CNTN4: variants seen among roughly 807,000 people sequenced by gnomAD.
The protein encoded by CNTN4 is contactin 4, also known as contactin-4.
A neutral mutation model predicts 122.5 loss-of-function variants in CNTN4; 77 were observed. The ratio of observed to expected loss-of-function variants is 0.63; its 90% CI spans 0.52 to 0.76. The LOEUF is 0.76. CNTN4 is among the 30% of genes least tolerant of loss of function. The probability of loss-of-function intolerance (pLI) is 0.00; values close to 1 mark genes in which losing one functional copy is unlikely to be tolerated. For synonymous variants in CNTN4, 512 were observed against 447.0 expected (o/e 1.15, Z -1.83); for missense variants, 1,256 against 1,259.1 (o/e 1.00, Z 0.04).
intron 6 of CNTN4, among the ~76,000 whole-genome samples, chr3:2,790,222 T>C (rs2091966204): frequency 6.6e-6 from 1 of 152,182 alleles, no homozygotes; most frequent in African/African-American, 2.4e-5. Context: ...ATCTTCTGAG[T>C]GCTACTGCCT....
intron 4 of CNTN4, among the ~76,000 whole-genome samples, chr3:2,630,616 T>G (rs1165267899): frequency 1.3e-5 from 2 of 152,096 alleles, no homozygotes; most frequent in African/African-American, 4.8e-5. Context: ...AAACTATAAC[T>G]TAATATTGTT....
intron 14 of CNTN4, among the ~76,000 whole-genome samples, chr3:3,000,263 C>T (rs534573949): frequency 7.1e-4 from 108 of 151,668 alleles, no homozygotes; most frequent in African/African-American, 1.7e-3. Context: ...GATAAAAATA[C>T]AACTGGAAGA....
chr3:2,719,773 C>G (rs2087727005), intron 4 of CNTN4, among the ~76,000 whole-genome samples: 1 of 152,074 alleles, frequency 6.6e-6, no homozygotes, highest in African/African-American at 2.4e-5. Context: ...ATAGAAAATT[C>G]AAAAATTGAC....
At chr3:2,750,969 A>G (rs2090059159) in intron 6 of CNTN4, among the ~76,000 whole-genome samples, 1 of 152,076 alleles carries the variant, frequency 6.6e-6, no homozygotes, top group Non-Finnish European at 1.5e-5. Flanking sequence ...ATTCCTTATA[A>G]GTGTTTCTAT....
At chr3:2,602,981 T>C (rs1249041199) in intron 4 of CNTN4, among the ~76,000 whole-genome samples, 1 of 152,190 alleles carries the variant, frequency 6.6e-6, no homozygotes, top group Non-Finnish European at 1.5e-5. Context: ...ACTCTCAGGG[T>C]GGCTTAGGTG....
chr3:2,783,528 G>A (rs1296461583), intron 6 of CNTN4, among the ~76,000 whole-genome samples: 1 of 152,222 alleles, frequency 6.6e-6, no homozygotes, highest in Non-Finnish European at 1.5e-5. Context: ...GCCAAAGGAA[G>A]TAGTTAGAAA....
intron 7 of CNTN4, among the ~76,000 whole-genome samples, chr3:2,830,595 G>A (rs1297891368): frequency 2.0e-5 from 3 of 152,192 alleles, no homozygotes; most frequent in Admixed American, 1.3e-4. Context: ...ATCCAGGAGA[G>A]TGCTACCAGG....
At chr3:2,881,329 A>C (rs1037863242) in intron 8 of CNTN4, among the ~76,000 whole-genome samples, 1 of 152,168 alleles carries the variant, frequency 6.6e-6, no homozygotes, top group African/African-American at 2.4e-5. Flanking sequence ...CCTGGCCAAC[A>C]TAGTGAAACC....
intron 20 of CNTN4, among the ~76,000 whole-genome samples, chr3:3,040,891 C>T (rs146796028): frequency 8.0e-4 from 121 of 151,284 alleles, no homozygotes; most frequent in African/African-American, 2.8e-3. Flanking sequence ...CGCACCACTG[C>T]ACTCCAGCCT....
At chr3:2,379,484 A>G (rs1350280200) in intron 3 of CNTN4, among the ~76,000 whole-genome samples, 1 of 152,198 alleles carries the variant, frequency 6.6e-6, no homozygotes, top group Admixed American at 6.5e-5. Flanking sequence ...AATGTAAAAG[A>G]TGAAGATATT....
At chr3:2,678,775 G>A (rs779507402) in intron 4 of CNTN4, among the ~76,000 whole-genome samples, 25 of 152,148 alleles carry the variant, frequency 1.6e-4, no homozygotes, top group Non-Finnish European at 1.2e-4. Context: ...AAATGCCAAT[G>A]ACAGGAAAAG....
chr3:2,526,251 T>C (rs1047358630), intron 3 of CNTN4, among the ~76,000 whole-genome samples: 1 of 152,148 alleles, frequency 6.6e-6, no homozygotes, highest in Non-Finnish European at 1.5e-5. Flanking sequence ...AAACTGAGAA[T>C]ACTCTGTTTC....
chr3:2,328,382 G>A (rs1145035), intron 2 of CNTN4, among the ~76,000 whole-genome samples: 47,124 of 151,148 alleles, frequency 0.31, 7,781 homozygotes, highest in Admixed American at 0.39. Context: ...CTCCAGCCTG[G>A]GCGACAGAGC....
chr3:2,301,653 G>A (rs769262730), intron 2 of CNTN4, among the ~76,000 whole-genome samples: 2 of 152,164 alleles, frequency 1.3e-5, no homozygotes, highest in Admixed American at 1.3e-4. Flanking sequence ...CACAGCAAAA[G>A]GAGGCAAGTA....
intron 4 of CNTN4, among the ~76,000 whole-genome samples, chr3:2,653,506 TAGTA>T (rs369587862): frequency 2.0e-5 from 3 of 152,176 alleles, no homozygotes; most frequent in African/African-American, 7.2e-5. Context: ...ATCACAAGGG[TAGTA>T]ATTGACTTAC....
intron 2 of CNTN4, among the ~76,000 whole-genome samples, chr3:2,179,590 A>T (rs2036919072): frequency 6.6e-6 from 1 of 152,030 alleles, no homozygotes; most frequent in Non-Finnish European, 1.5e-5. Flanking sequence ...TAGCAATTTT[A>T]TACTGAACTT....
At chr3:2,899,843 T>G (rs1446599459) in intron 10 of CNTN4, among the ~76,000 whole-genome samples, 1 of 152,086 alleles carries the variant, frequency 6.6e-6, no homozygotes, top group Non-Finnish European at 1.5e-5. Context: ...TAGATAACAT[T>G]CTATCAATAC....
intron 3 of CNTN4, among the ~76,000 whole-genome samples, chr3:2,487,117 A>G (rs188712869): frequency 3.3e-5 from 5 of 152,298 alleles, no homozygotes; most frequent in African/African-American, 1.2e-4. Context: ...GTTTGTAAGA[A>G]CACTGCTAAA....
At chr3:2,210,020 C>G (rs2149434351) in intron 2 of CNTN4, among the ~76,000 whole-genome samples, 1 of 152,128 alleles carries the variant, frequency 6.6e-6, no homozygotes, top group South Asian at 2.1e-4. Flanking sequence ...GGCTGATACA[C>G]ACTTTAGCCT....
Sources: allele counts gnomAD v4.1 joint callset (sites outside exome capture counted in the v4.1 genomes callset), GRCh38; gene constraint gnomAD v4.1.1; transcripts MANE v1.5; gene names NCBI Gene and HGNC (gene_info 2026-07-23, HGNC 2026-07-21).